RPL5: variants seen among roughly 807,000 people sequenced by gnomAD.
RPL5 encodes the protein large ribosomal subunit protein uL18.
RPL5 carries 1 observed loss-of-function variant against 38.4 expected under a neutral mutation model. The observed-to-expected ratio is 0.03, with a 90% CI of 0.01 to 0.12. The LOEUF is 0.12. RPL5 is among the 10% of genes least tolerant of loss of function. RPL5 has a pLI of 1.00. For synonymous variants in RPL5, 109 were observed against 121.2 expected (o/e 0.90, Z 0.66); for missense variants, 243 against 374.1 (o/e 0.65, Z 2.89).
rs958164665 is a variant in RPL5 at position 92,832,062 on chromosome 1, G to A, written c.-53G>A. 1.2e-6 allele frequency: 2 copies of A among 1,612,366 alleles called. No individual in the cohort carries two copies. Among genetic ancestry groups the A allele is most frequent in the Non-Finnish European group, 8.5e-7 (1 of 1,179,360 alleles). ...GGCCCTTTTCCCACCCCCTAGCGCC[G>A]CTGGGCCTGCAGGTCTCTGTCGAGC... On this transcript the variant is annotated 5_prime_UTR_variant, in exon 1 of 8. Coordinates refer to ENST00000370321, the MANE Select transcript of RPL5 (RefSeq NM_000969.5).
At chr1:92,837,954 T>A (rs1375146448) in intron 6 of RPL5, among the ~76,000 whole-genome samples, 3 of 152,256 alleles carry the variant, frequency 2.0e-5, no homozygotes, top group African/African-American at 7.2e-5. Context: ...AGGAAAGCTC[T>A]TCATAGCATA....
rs143761019 is a variant in RPL5 at position 92,837,921 on chromosome 1, C to G, written c.705+288C>G. On this transcript the variant is annotated intron_variant, in intron 6 of 7. Transcript: ENST00000370321. ...ATAAGAGGTGCTAGATAATAAACTT[C>G]ACTTATTTTGATACCATCTGGGAGG... is the stretch of plus-strand genomic sequence containing the variant. 242 of 417,976 alleles carry G rather than the reference C, an allele frequency of 5.8e-4. 2 individuals carry two copies. The highest frequency in any genetic ancestry group is 4.1e-3 in the South Asian group (181 of 44,484). The allele number at this position is 417,976 out of a possible 1,614,324, so 25.9% of individuals were successfully genotyped here.
In RPL5 at chr1:92,833,665, G is replaced by A. The variant is rs751394001; in HGVS notation, c.189+5G>A. ...AACAGAGATATCATTTGTCAGGTAAGTTGTATTCTAGACAGTCCCCTTTTT... is the reference window on the plus strand; with the variant it reads ...AACAGAGATATCATTTGTCAGGTAAATTGTATTCTAGACAGTCCCCTTTTT... On this transcript the variant is annotated splice_donor_5th_base_variant and intron_variant, in intron 3 of 7. Coordinates refer to ENST00000370321, the MANE Select transcript of RPL5 (RefSeq NM_000969.5). 2 of 1,605,258 alleles carry A rather than the reference G, an allele frequency of 1.2e-6. No individual in the cohort carries two copies. Among genetic ancestry groups the A allele is most frequent in the South Asian group, 1.1e-5 (1 of 90,848 alleles).
chr1:92,839,966 G>A (rs1454893117), intron 6 of RPL5, among the ~76,000 whole-genome samples: 1 of 151,130 alleles, frequency 6.6e-6, no homozygotes, highest in Non-Finnish European at 1.5e-5. Flanking sequence ...TCAGCCTCTC[G>A]AGGTAGCTGG....
At chr1:92,832,154 TGG>T (rs752798871) in intron 1 of RPL5, 37 bp downstream of exon 1, 25 of 1,613,592 alleles carry the variant, frequency 1.5e-5, no homozygotes, top group Admixed American at 6.7e-5. Context: ...TTTAGATGCA[TGG>T]AGGTTCCCTT....
intron 1 of RPL5, 156 bp from the exon 2 acceptor site, chr1:92,833,233 C>G (rs560446482): frequency 1.5e-6 from 1 of 672,476 alleles, no homozygotes; most frequent in East Asian, 2.7e-5. Flanking sequence ...GAAAAAGATT[C>G]TTGACCCTAG....
chr1:92,832,252 G>A (rs925648871), intron 1 of RPL5, 135 bp downstream of exon 1: 1 of 1,415,564 alleles, frequency 7.1e-7, no homozygotes, highest in Non-Finnish European at 9.8e-7. Flanking sequence ...CTTGGTCGAG[G>A]TGCAGTTCCC....
intron 4 of RPL5, among the ~76,000 whole-genome samples, chr1:92,835,679 A>AT (rs2100683196): frequency 6.6e-6 from 1 of 151,096 alleles, no homozygotes; most frequent in East Asian, 1.9e-4. Context: ...AAAAAAAAAA[A>AT]TGAGAATCTT....
In RPL5 at chr1:92,832,075, G is replaced by T. The variant is rs569209548; in HGVS notation, c.-40G>T. 8 of 1,613,760 alleles carry T rather than the reference G, an allele frequency of 5.0e-6. No homozygotes were observed. Among genetic ancestry groups the T allele is most frequent in the African/African-American group, 1.3e-5 (1 of 75,066 alleles). The stretch of plus-strand genomic sequence containing the variant: ...CCCCCTAGCGCCGCTGGGCCTGCAG[G>T]TCTCTGTCGAGCAGCGGACGCCGGT... On this transcript the variant is annotated 5_prime_UTR_variant, in exon 1 of 8. Coordinates refer to ENST00000370321, the MANE Select transcript of RPL5 (RefSeq NM_000969.5).
intron 5 of RPL5, chr1:92,836,778 A>G (rs1233830042): frequency 4.5e-6 from 1 of 222,942 alleles, no homozygotes; most frequent in South Asian, 6.3e-5. Flanking sequence ...AGAATTTTAT[A>G]AGAAGTTTGA....
intron 7 of RPL5, 22 bp downstream of exon 7, chr1:92,840,661 CTT>C (rs1687320829): frequency 6.4e-7 from 1 of 1,571,220 alleles, no homozygotes; most frequent in Non-Finnish European, 8.7e-7. Flanking sequence ...TTTTTTTTGT[CTT>C]TTCAAGAAAA....
intron 5 of RPL5, chr1:92,836,845 T>C (rs1411299156): frequency 4.9e-6 from 1 of 204,204 alleles, no homozygotes; most frequent in Non-Finnish European, 1.0e-5. Context: ...TTGTAGGCCA[T>C]TTTGGGAAGT....
intron 3 of RPL5, among the ~76,000 whole-genome samples, chr1:92,834,564 T>A (rs926567969): frequency 2.6e-5 from 4 of 152,222 alleles, no homozygotes. Context: ...TGACTTTAGT[T>A]ATGTTTAGTT....
intron 5 of RPL5, chr1:92,837,219 C>T: frequency 2.9e-6 from 2 of 687,314 alleles, no homozygotes; most frequent in South Asian, 1.4e-5. Flanking sequence ...TGGTGGAAAG[C>T]CTTGGTAATG....
chr1:92,838,244 T>C (rs1444124243), intron 6 of RPL5, among the ~76,000 whole-genome samples: 1 of 152,212 alleles, frequency 6.6e-6, no homozygotes, highest in Non-Finnish European at 1.5e-5. Flanking sequence ...TTGGACACAG[T>C]GTAAAGGCTG....
intron 4 of RPL5, 25 bp downstream of exon 4, chr1:92,834,938 A>G: frequency 6.3e-7 from 1 of 1,599,840 alleles, no homozygotes; most frequent in African/African-American, 1.3e-5. Context: ...ATTTTAATTG[A>G]TGTAGTTTGT....
rs142323442 is a variant in RPL5 at position 92,835,108 on chromosome 1, T to C, written c.324+195T>C. ...AATTTTCTGCAATGACACAAATCTG[T>C]AATTTGCTGTCCAGTGGTTTTGCCA... On this transcript the variant is annotated intron_variant, in intron 4 of 7. Coordinates refer to ENST00000370321, the MANE Select transcript of RPL5 (RefSeq NM_000969.5). 1.1e-3 allele frequency: 822 copies of C among 724,070 alleles called. 7 individuals are homozygous for C. The African/African-American group carries it at 0.012, about 11-fold the overall frequency. 44.9% of individuals were successfully genotyped at this position (724,070 alleles called of 1,614,324 possible).
intron 5 of RPL5, 28 bp from the exon 6 acceptor site, chr1:92,837,428 T>C (rs756830726): frequency 6.6e-5 from 105 of 1,591,618 alleles, no homozygotes; most frequent in Non-Finnish European, 8.5e-5. Context: ...AGTGAGTCTA[T>C]ACTAAAATAT....
intron 3 of RPL5, among the ~76,000 whole-genome samples, chr1:92,834,327 AG>A (rs1687033123): frequency 6.6e-6 from 1 of 152,232 alleles, no homozygotes. Context: ...AAAGACCTTT[AG>A]GAAGTGTCAG....
Sources: gnomAD v4.1 joint callset for allele counts (sites outside exome capture counted in the v4.1 genomes callset) on GRCh38, gnomAD v4.1.1 for gene constraint, MANE v1.5 for transcripts, NCBI Gene and HGNC (gene_info 2026-07-23, HGNC 2026-07-21) for gene names.